The following SLC6A11 variants were observed in gnomAD, a reference collection of about 807,000 sequenced individuals.
SLC6A11 encodes solute carrier family 6 member 11.
In SLC6A11, 25 loss-of-function variants were observed where a neutral mutation model predicts 74.8. The observed-to-expected ratio is 0.33, with a 90% CI of 0.24 to 0.47. SLC6A11 has a LOEUF of 0.47. Ranked by LOEUF, SLC6A11 falls within the 20% of genes least tolerant of loss-of-function variation. The probability of loss-of-function intolerance (pLI) is 1.00; values close to 1 mark genes in which losing one functional copy is unlikely to be tolerated. For missense variants in SLC6A11, 574 were observed against 837.0 expected (o/e 0.69, Z 3.88); for synonymous variants, 330 against 330.2 (o/e 1.00, Z 0.01).
intron 6 of SLC6A11, among the ~76,000 whole-genome samples, chr3:10,880,474 T>C (rs1694962211): frequency 6.6e-6 from 1 of 152,076 alleles, no homozygotes; most frequent in Non-Finnish European, 1.5e-5. Flanking sequence ...CTATGAGAAA[T>C]TTAAGTGGGT....
chr3:10,910,034 C>G (rs1239645213), intron 6 of SLC6A11, among the ~76,000 whole-genome samples: 1 of 152,150 alleles, frequency 6.6e-6, no homozygotes, highest in African/African-American at 2.4e-5. Flanking sequence ...TCCAGTTTCT[C>G]CTACCCCATC....
intron 8 of SLC6A11, among the ~76,000 whole-genome samples, chr3:10,919,542 AC>A (rs892456952): frequency 2.4e-4 from 37 of 152,114 alleles, no homozygotes; most frequent in African/African-American, 8.9e-4. Context: ...CACCCCTCTG[AC>A]CCACCAAAAT....
At chr3:10,898,092 G>T (rs1007893017) in intron 6 of SLC6A11, among the ~76,000 whole-genome samples, 1 of 152,180 alleles carries the variant, frequency 6.6e-6, no homozygotes, top group East Asian at 1.9e-4. Flanking sequence ...TGGGACACAA[G>T]GCACCATGTC....
chr3:10,881,279 G>T (rs558809010), intron 6 of SLC6A11, among the ~76,000 whole-genome samples: 1 of 152,182 alleles, frequency 6.6e-6, no homozygotes, highest in East Asian at 1.9e-4. Context: ...AGCCAGATAT[G>T]GTGGCACACA....
At chr3:10,878,630 G>C (rs139341850) in intron 6 of SLC6A11, among the ~76,000 whole-genome samples, 15 of 150,558 alleles carry the variant, frequency 1.0e-4, no homozygotes, top group Non-Finnish European at 1.9e-4. Context: ...GGCCAGGCTG[G>C]TCTCAAACTC....
rs539443721 is a variant in SLC6A11 at position 10,839,893 on chromosome 3, C to T, written c.624-4321C>T. Among the ~76,000 whole-genome samples the T allele has an allele frequency of 5.9e-5, 9 of 152,276 alleles. No homozygotes were observed. The East Asian group carries it at 1.5e-3, about 26-fold the overall frequency. ...GCCGTGAGCCTGGTGTCAGCCTAGC[C>T]CTGGCTCTTCCTGCTGCTGGCTGCC... On this transcript the variant is annotated intron_variant, in intron 4 of 13. Transcript: ENST00000254488.
rs986972467 is a variant in SLC6A11 at position 10,939,124 on chromosome 3, T to G, written c.*722T>G. The stretch of plus-strand genomic sequence containing the variant: ...ACCTGCCGTGGACCTTGGCTTCCTC[T>G]GAAGACTTGCAGGCAATAATCTCCG... On this transcript the variant is annotated 3_prime_UTR_variant, in exon 14 of 14. Transcript: ENST00000254488. The G allele has an allele frequency of 6.6e-6, 1 of 152,258 alleles. No homozygotes were observed. Among genetic ancestry groups the G allele is most frequent in the African/African-American group, 2.4e-5 (1 of 41,468 alleles). 9.4% of individuals were successfully genotyped at this position (152,258 alleles called of 1,614,324 possible).
At chr3:10,858,228 C>G (rs1238317622) in intron 5 of SLC6A11, among the ~76,000 whole-genome samples, 1 of 152,170 alleles carries the variant, frequency 6.6e-6, no homozygotes, top group African/African-American at 2.4e-5. Flanking sequence ...AAAGAGACAG[C>G]CTTTCCTCAA....
At chr3:10,891,722 C>T (rs943621484) in intron 6 of SLC6A11, among the ~76,000 whole-genome samples, 3 of 152,170 alleles carry the variant, frequency 2.0e-5, no homozygotes, top group Non-Finnish European at 4.4e-5. Flanking sequence ...AGACCAGGAC[C>T]GAGAACCTCC....
chr3:10,868,135 C>T (rs527569806), intron 5 of SLC6A11, among the ~76,000 whole-genome samples: 1 of 152,328 alleles, frequency 6.6e-6, no homozygotes, highest in East Asian at 1.9e-4. Context: ...CTTGCCTCTT[C>T]GTAGATGGTA....
intron 6 of SLC6A11, among the ~76,000 whole-genome samples, chr3:10,899,365 T>G (rs1319446012): frequency 6.6e-6 from 1 of 152,190 alleles, no homozygotes; most frequent in Non-Finnish European, 1.5e-5. Context: ...GGGCATAAAT[T>G]TGAATGTGTT....
chr3:10,871,188 C>G (rs1419488065), intron 5 of SLC6A11, among the ~76,000 whole-genome samples: 1 of 152,136 alleles, frequency 6.6e-6, no homozygotes, highest in Non-Finnish European at 1.5e-5. Flanking sequence ...TTTTAAGTGA[C>G]CCTCTTAATG....
In SLC6A11 at chr3:10,938,332, A is replaced by G; in HGVS notation, c.1829A>G (p.Asn610Ser). Residue 610 changes from asparagine to serine, a missense_variant, in exon 14 of 14, where the codon AAT becomes AGT. By Grantham distance (46) the Asn-to-Ser change is conservative. Around this residue, in one of 4 missense-constraint regions of SLC6A11, gnomAD observed 257 missense variants for 341.5 expected, o/e 0.75. Coordinates refer to ENST00000254488, the MANE Select transcript of SLC6A11 (RefSeq NM_014229.3). ...LGVSPRMVTV[N>S]DCDAKLKSDG... ...GTGAGCCCACGGATGGTGACAGTTA[A>G]TGACTGTGATGCCAAACTCAAGAGT... The G allele has an allele frequency of 1.2e-6, 2 of 1,613,296 alleles. No individual in the cohort carries two copies. Among genetic ancestry groups the G allele is most frequent in the South Asian group, 2.2e-5 (2 of 90,958 alleles).
chr3:10,894,100 G>A (rs1451834209), intron 6 of SLC6A11, among the ~76,000 whole-genome samples: 1 of 152,114 alleles, frequency 6.6e-6, no homozygotes, highest in Non-Finnish European at 1.5e-5. Flanking sequence ...AGTCCACCAG[G>A]TTAGCCACCC....
chr3:10,923,712 C>A (rs908155902), intron 8 of SLC6A11, among the ~76,000 whole-genome samples: 1 of 152,028 alleles, frequency 6.6e-6, no homozygotes, highest in Non-Finnish European at 1.5e-5. Flanking sequence ...AGGATTTTTT[C>A]ATAATCTCAA....
At chr3:10,838,513 C>T (rs574533445) in intron 4 of SLC6A11, among the ~76,000 whole-genome samples, 17 of 152,300 alleles carry the variant, frequency 1.1e-4, no homozygotes, top group African/African-American at 3.4e-4. Flanking sequence ...CTTTGGGAAG[C>T]CAGGATAGGA....
intron 6 of SLC6A11, among the ~76,000 whole-genome samples, chr3:10,892,109 T>C (rs941620509): frequency 2.6e-5 from 4 of 152,226 alleles, no homozygotes; most frequent in African/African-American, 9.6e-5. Context: ...GGAATTTCTT[T>C]TGTGAGCAGC....
intron 8 of SLC6A11, 58 bp from the exon 9 acceptor site, chr3:10,925,946 G>C: frequency 1.1e-6 from 1 of 922,958 alleles, no homozygotes; most frequent in Non-Finnish European, 1.7e-6. Context: ...GATTAAAATA[G>C]CAATGATATG....
At chr3:10,833,909 A>G (rs1399312485) in intron 4 of SLC6A11, among the ~76,000 whole-genome samples, 1 of 152,230 alleles carries the variant, frequency 6.6e-6, no homozygotes, top group African/African-American at 2.4e-5. Flanking sequence ...GGAAGCAGCA[A>G]CTTACTGAAC....
Sources: gnomAD v4.1 joint callset for allele counts (sites outside exome capture counted in the v4.1 genomes callset) on GRCh38, gnomAD v4.1.1 for gene constraint, gnomAD v4.1.1 regional missense constraint, MANE v1.5 for transcripts, NCBI Gene and HGNC (gene_info 2026-07-23, HGNC 2026-07-21) for gene names.